The following HNF4A variants were observed in gnomAD, a reference collection of about 807,000 sequenced individuals.
HNF4A encodes hepatocyte nuclear factor 4 alpha, also known as hepatocyte nuclear factor 4-alpha.
A neutral mutation model predicts 52.4 loss-of-function variants in HNF4A; 15 were observed. That is an observed-to-expected ratio of 0.29 (90% CI 0.19 to 0.44). HNF4A has a LOEUF of 0.44. HNF4A is among the 20% of genes least tolerant of loss of function. The pLI is 1.00. For missense variants in HNF4A, 479 were observed against 647.2 expected, an observed-to-expected ratio of 0.74 and a Z score of 2.82; for synonymous variants, 280 against 264.4, an observed-to-expected ratio of 1.06 and a Z score of -0.57.
intron 3 of HNF4A, among the ~76,000 whole-genome samples, chr20:44,411,327 GT>G (rs2063578130): frequency 1.3e-5 from 2 of 152,214 alleles, no homozygotes; most frequent in African/African-American, 4.8e-5. Flanking sequence ...GTTACATTAG[GT>G]CCCCGACCCT....
At chr20:44,373,691 T>C (rs939947019) in intron 1 of HNF4A, among the ~76,000 whole-genome samples, 5 of 152,196 alleles carry the variant, frequency 3.3e-5, no homozygotes, top group Admixed American at 3.3e-4. Context: ...TTTTTTTAAA[T>C]TAAACTTTTT....
At chr20:44,401,546 G>T (rs1568716558) in intron 1 of HNF4A, 1 of 1,600,382 alleles carries the variant, frequency 6.2e-7, no homozygotes, top group Non-Finnish European at 8.5e-7. Flanking sequence ...CTGGGTCCAG[G>T]AGCAGATCTT....
chr20:44,416,826 G>A (rs991147422), intron 5 of HNF4A, among the ~76,000 whole-genome samples: 1 of 151,938 alleles, frequency 6.6e-6, no homozygotes, highest in South Asian at 2.1e-4. Context: ...CTCCTTAGAG[G>A]CCTTCTCTGA....
intron 1 of HNF4A, among the ~76,000 whole-genome samples, chr20:44,395,229 G>A (rs144663492): frequency 6.6e-6 from 1 of 152,260 alleles, no homozygotes; most frequent in Non-Finnish European, 1.5e-5. Context: ...AGGGGCCCCA[G>A]GTCTGGGCCC....
chr20:44,427,548 A>G (rs576439165), intron 8 of HNF4A, among the ~76,000 whole-genome samples: 9 of 152,276 alleles, frequency 5.9e-5, no homozygotes, highest in African/African-American at 2.2e-4. Flanking sequence ...CATATTACTC[A>G]CCATAGGCTA....
chr20:44,407,511 C>T (rs368131271), intron 3 of HNF4A, 36 bp downstream of exon 3: 20 of 1,309,116 alleles, frequency 1.5e-5, no homozygotes, highest in African/African-American at 8.7e-5. Context: ...CCACCACTGC[C>T]CCACCTGCAC....
chr20:44,406,515 T>C (rs1306798658), intron 2 of HNF4A, among the ~76,000 whole-genome samples: 1 of 152,178 alleles, frequency 6.6e-6, no homozygotes, highest in Admixed American at 6.5e-5. Flanking sequence ...CTTGAGCCCA[T>C]TGTTGTTTTT....
At chr20:44,370,259 C>G (rs1296901802) in intron 1 of HNF4A, among the ~76,000 whole-genome samples, 2 of 152,138 alleles carry the variant, frequency 1.3e-5, no homozygotes, top group East Asian at 3.9e-4. Context: ...GATCTCCTGA[C>G]CTTGTGACCT....
chr20:44,429,701 C>G lies in HNF4A; in HGVS notation c.*36C>G. The stretch of plus-strand genomic sequence containing the variant: ...GGGCTTGGGGGCTCCACTGGCTCCC[C>G]CCAGCCCCCTAAGAGAGCACCTGGT... On this transcript the variant is annotated 3_prime_UTR_variant, in exon 10 of 10. Coordinates refer to ENST00000316099, the MANE Select transcript of HNF4A (RefSeq NM_000457.6). 6.2e-7 allele frequency: 1 copy of G among 1,609,616 alleles called. No individual in the cohort carries two copies. Among genetic ancestry groups the G allele is most frequent in the Non-Finnish European group, 8.5e-7 (1 of 1,176,118 alleles).
At chr20:44,373,882 G>T (rs1303054815) in intron 1 of HNF4A, among the ~76,000 whole-genome samples, 1 of 152,010 alleles carries the variant, frequency 6.6e-6, no homozygotes, top group African/African-American at 2.4e-5. Context: ...TAGAGGTGGG[G>T]TTTCACCATG....
At chr20:44,359,434 T>G (rs2062894224) in intron 1 of HNF4A, among the ~76,000 whole-genome samples, 1 of 152,206 alleles carries the variant, frequency 6.6e-6, no homozygotes, top group African/African-American at 2.4e-5. Flanking sequence ...AGAAACCTCC[T>G]GGCAGACTCC....
chr20:44,424,356 T>A, intron 8 of HNF4A, 102 bp downstream of exon 8: 1 of 1,554,364 alleles, frequency 6.4e-7, no homozygotes, highest in Non-Finnish European at 8.7e-7. Flanking sequence ...TTCCCCACTG[T>A]GCCGCTTTGG....
chr20:44,373,677 C>G (rs983929460), intron 1 of HNF4A, among the ~76,000 whole-genome samples: 1 of 148,966 alleles, frequency 6.7e-6, no homozygotes, highest in Non-Finnish European at 1.5e-5. Context: ...TATACACACC[C>G]TTTTTTTTTT....
At chr20:44,424,637 T>C (rs970397875) in intron 8 of HNF4A, 3 of 1,380,746 alleles carry the variant, frequency 2.2e-6, no homozygotes, top group African/African-American at 2.9e-5. Flanking sequence ...ACAGGTAATA[T>C]GATAGAGTTT....
intron 8 of HNF4A, among the ~76,000 whole-genome samples, chr20:44,427,717 T>C (rs1483058851): frequency 6.6e-6 from 1 of 152,186 alleles, no homozygotes; most frequent in Non-Finnish European, 1.5e-5. Context: ...CTAAAAGTTG[T>C]GTTACAGACA....
intron 9 of HNF4A, among the ~76,000 whole-genome samples, chr20:44,429,245 C>T (rs530126506): frequency 6.6e-5 from 10 of 152,172 alleles, no homozygotes; most frequent in Non-Finnish European, 1.5e-4. Flanking sequence ...TTGGGAGAAG[C>T]AGTCCAAGTC....
intron 4 of HNF4A, 142 bp from the exon 5 acceptor site, chr20:44,414,365 T>G: frequency 4.2e-6 from 5 of 1,194,866 alleles, no homozygotes; most frequent in Non-Finnish European, 6.1e-6. Flanking sequence ...GTTTTTACCC[T>G]GAGCTTCCTT....
At chr20:44,376,495 A>T (rs1467744102) in intron 1 of HNF4A, among the ~76,000 whole-genome samples, 2 of 152,092 alleles carry the variant, frequency 1.3e-5, no homozygotes, top group Non-Finnish European at 2.9e-5. Flanking sequence ...TATTATGAAC[A>T]TTTATGTATC....
At chr20:44,424,822 G>A (rs902700516) in intron 8 of HNF4A, among the ~76,000 whole-genome samples, 3 of 152,176 alleles carry the variant, frequency 2.0e-5, no homozygotes, top group Non-Finnish European at 2.9e-5. Flanking sequence ...AGAGTGTTGT[G>A]TTTGAGAAAG....
Sources: gnomAD v4.1 joint callset for allele counts (sites outside exome capture counted in the v4.1 genomes callset) on GRCh38, gnomAD v4.1.1 for gene constraint, MANE v1.5 for transcripts, NCBI Gene and HGNC (gene_info 2026-07-23, HGNC 2026-07-21) for gene names.